PAK3: variants seen among roughly 807,000 people sequenced by gnomAD.
The protein encoded by PAK3 is serine/threonine-protein kinase PAK 3.
PAK3 carries 4 observed loss-of-function variants against 41.0 expected under a neutral mutation model. That is an observed-to-expected ratio of 0.10 (90% CI 0.05 to 0.22). The LOEUF (loss-of-function observed/expected upper bound fraction) is 0.22, where lower values mean the gene tolerates loss of function less well. Ranked by LOEUF, PAK3 falls within the 10% of genes least tolerant of loss-of-function variation. The pLI is 1.00. For synonymous variants in PAK3, 146 were observed against 139.6 expected, an observed-to-expected ratio of 1.05 and a Z score of -0.32; for missense variants, 205 against 409.9, an observed-to-expected ratio of 0.50 and a Z score of 4.32.
chrX:111,080,485 T>C (rs987366489), intron 1 of PAK3, among the ~76,000 whole-genome samples: 1 of 112,593 alleles, frequency 8.9e-6, no homozygotes, highest in African/African-American at 3.2e-5. Context: ...GCATACTTAG[T>C]AGACTGTAGT....
chrX:110,986,372 G>A (rs748750712), intron 1 of PAK3, among the ~76,000 whole-genome samples: 1 of 111,750 alleles, frequency 8.9e-6, no homozygotes, highest in South Asian at 3.8e-4. Context: ...CAACTGACTA[G>A]GCAGTCTTTG....
At chrX:110,975,364 T>G (rs1008785488) in intron 1 of PAK3, among the ~76,000 whole-genome samples, 11 of 111,690 alleles carry the variant, frequency 9.8e-5, no homozygotes, top group African/African-American at 3.3e-4. Context: ...TCACAATTGC[T>G]TCAAAGAGAA....
intron 1 of PAK3, among the ~76,000 whole-genome samples, chrX:111,025,875 C>T (rs1447776995): frequency 9.1e-6 from 1 of 109,571 alleles, no homozygotes. Context: ...ACCAATATCC[C>T]GAAAGTAGGA....
At chrX:110,972,912 C>T (rs180940581) in intron 1 of PAK3, among the ~76,000 whole-genome samples, 10 of 111,371 alleles carry the variant, frequency 9.0e-5, no homozygotes, top group East Asian at 5.7e-4. Context: ...AACTTCGTGA[C>T]GCATGCACAA....
At position 111,036,167 on chromosome X, in the gene PAK3, T is replaced by G. The variant is rs777632490; in HGVS notation, c.-27-86910T>G. On this transcript the variant is annotated intron_variant, in intron 1 of 14. Transcript: ENST00000425146. Reference sequence around the variant, plus strand: ...TCCAATTGAGACACTAGGAATTACATGAGGCTAAGCTCAACTGTCCAAAAT... The same window carrying G: ...TCCAATTGAGACACTAGGAATTACAGGAGGCTAAGCTCAACTGTCCAAAAT... 3.6e-5 allele frequency among the ~76,000 whole-genome samples: 4 copies of G among 111,972 alleles called. No individual in the cohort carries two copies. The South Asian group carries it at 1.5e-3, about 42-fold the overall frequency.
At chrX:111,103,706 A>T (rs947447835) in intron 4 of PAK3, among the ~76,000 whole-genome samples, 20 of 111,555 alleles carry the variant, frequency 1.8e-4, no homozygotes, top group African/African-American at 6.2e-4. Context: ...TTTGCCATTC[A>T]GTTCCTATGA....
At chrX:111,186,060 A>G (rs2094507098) in intron 11 of PAK3, among the ~76,000 whole-genome samples, 2 of 111,552 alleles carry the variant, frequency 1.8e-5, no homozygotes, top group East Asian at 2.8e-4. Context: ...ATCTCAATAC[A>G]TGCAGAAAAG....
chrX:111,019,513 G>A (rs1414909915), intron 1 of PAK3, among the ~76,000 whole-genome samples: 2 of 78,086 alleles, frequency 2.6e-5, no homozygotes, highest in Non-Finnish European at 4.9e-5. Context: ...GGGCAACATG[G>A]CAAAACACCA....
At chrX:110,951,107 T>C (rs2148591898) in intron 1 of PAK3, among the ~76,000 whole-genome samples, 1 of 112,352 alleles carries the variant, frequency 8.9e-6, no homozygotes, top group East Asian at 2.8e-4. Context: ...TGCCATTTCA[T>C]ATCCCTTGCC....
chrX:111,072,141 C>T (rs2092750313), intron 1 of PAK3, among the ~76,000 whole-genome samples: 1 of 112,327 alleles, frequency 8.9e-6, no homozygotes, highest in African/African-American at 3.2e-5. Flanking sequence ...GCAATCTCCA[C>T]TACTTGCTAG....
rs141988290 is a variant in PAK3 at position 110,947,450 on chromosome X, T to C, written c.-28+2822T>C. Among the ~76,000 whole-genome samples, 5 of 111,659 alleles carry C rather than the reference T, an allele frequency of 4.5e-5. No homozygotes were observed. In the East Asian group the frequency reaches 1.1e-3, roughly 25 times the overall value. ...GTGTTGATGTTCAGATCTGTCTAGT[T>C]ACTAGACAGTGTTTTTTGATGTAGG... On this transcript the variant is annotated intron_variant, in intron 1 of 14. Transcript: ENST00000425146.
At chrX:111,043,166 C>T (rs1029380529) in intron 1 of PAK3, among the ~76,000 whole-genome samples, 3 of 110,110 alleles carry the variant, frequency 2.7e-5, no homozygotes, top group African/African-American at 9.9e-5. Flanking sequence ...TGATGGCACA[C>T]ACCTGTAGTC....
chrX:111,178,567 T>C (rs2094430965), intron 11 of PAK3, among the ~76,000 whole-genome samples: 1 of 111,509 alleles, frequency 9.0e-6, no homozygotes, highest in Non-Finnish European at 1.9e-5. Flanking sequence ...ACATGGCACA[T>C]AGTTAATTGC....
intron 16 of PAK3, among the ~76,000 whole-genome samples, chrX:111,207,786 T>G (rs1002954797): frequency 5.4e-5 from 6 of 111,896 alleles, no homozygotes; most frequent in South Asian, 7.5e-4. Flanking sequence ...TCTTAGTTTT[T>G]GGGGAGGTTT....
At chrX:111,179,624 C>T (rs916695182) in intron 11 of PAK3, among the ~76,000 whole-genome samples, 3 of 111,239 alleles carry the variant, frequency 2.7e-5, no homozygotes, top group African/African-American at 6.5e-5. Context: ...TGCAACAAAA[C>T]GCTATTTTTA....
intron 3 of PAK3, among the ~76,000 whole-genome samples, chrX:111,100,732 C>T: frequency 9.0e-6 from 1 of 111,727 alleles, no homozygotes; most frequent in Middle Eastern, 4.7e-3. Context: ...TCCACCTACC[C>T]CCACCGCCAA....
chrX:110,968,839 G>C (rs922035963), intron 1 of PAK3, among the ~76,000 whole-genome samples: 2 of 110,714 alleles, frequency 1.8e-5, no homozygotes, highest in Non-Finnish European at 3.8e-5. Flanking sequence ...TTTTTATGAT[G>C]TCTGATTTAT....
At chrX:111,161,250 G>T (rs188673207) in intron 8 of PAK3, among the ~76,000 whole-genome samples, 195 of 111,620 alleles carry the variant, frequency 1.7e-3, no homozygotes, top group African/African-American at 6.0e-3. Flanking sequence ...GTTTTTTGGC[G>T]GCATAAATAT....
intron 11 of PAK3, among the ~76,000 whole-genome samples, chrX:111,183,080 G>A (rs987704514): frequency 1.8e-5 from 2 of 112,020 alleles, no homozygotes; most frequent in African/African-American, 3.2e-5. Context: ...AAGATCTATA[G>A]CAAAACATGA....
Sources: gnomAD v4.1 joint callset for allele counts (sites outside exome capture counted in the v4.1 genomes callset) on GRCh38, gnomAD v4.1.1 for gene constraint, MANE v1.5 for transcripts, NCBI Gene and HGNC (gene_info 2026-07-23, HGNC 2026-07-21) for gene names.